Variants in PCDHGA4 observed in about 807,000 individuals in gnomAD.
PCDHGA4 encodes the protein protocadherin gamma-A4.
A neutral mutation model predicts 54.6 loss-of-function variants in PCDHGA4; 38 were observed. The ratio of observed to expected loss-of-function variants is 0.70; its 90% CI spans 0.54 to 0.91. The LOEUF is 0.91. Among genes scored for constraint, PCDHGA4 ranks in the 40% least tolerant of loss-of-function variants. PCDHGA4 has a pLI of 0.00. For synonymous variants in PCDHGA4, 511 were observed against 512.9 expected, an observed-to-expected ratio of 1.00 and a Z score of 0.05; for missense variants, 1,298 against 1,220.9, an observed-to-expected ratio of 1.06 and a Z score of -0.94.
At chr5:141,393,747 T>C (rs1375394315) in intron 1 of PCDHGA4, 1 of 1,613,866 alleles carries the variant, frequency 6.2e-7, no homozygotes, top group Admixed American at 1.7e-5. Flanking sequence ...TTATGAAGAA[T>C]GTTCATTTTA....
intron 1 of PCDHGA4, among the ~76,000 whole-genome samples, chr5:141,473,422 A>C (rs2154571673): frequency 6.6e-6 from 1 of 152,332 alleles, no homozygotes; most frequent in African/African-American, 2.4e-5. Context: ...TGGGGGAAGC[A>C]GATACTTTGC....
chr5:141,357,839 G>A, intron 1 of PCDHGA4: 1 of 640,618 alleles, frequency 1.6e-6, no homozygotes, highest in East Asian at 3.0e-5. Context: ...TCATTCAGTT[G>A]TAGTTTCAGC....
Position 141,438,591 on chromosome 5 carries a change from C to CAT in PCDHGA4, c.2515-56172_2515-56171dup, listed in dbSNP as rs946798767. On this transcript the variant is annotated intron_variant, in intron 1 of 3. Coordinates refer to ENST00000571252, the MANE Select transcript of PCDHGA4 (RefSeq NM_018917.4). ...TCTGATATACATACATACATACATA[C>CAT]ATATATATATATATATATATATATA... Among the ~76,000 whole-genome samples the CAT allele has an allele frequency of 6.3e-3, 476 of 75,268 alleles. 1 individual carries two copies. The highest frequency in any genetic ancestry group is 9.5e-3 in the Non-Finnish European group (352 of 37,106). 49.4% of individuals were successfully genotyped at this position (75,268 alleles called of 152,430 possible). A position where few individuals can be genotyped will look rare whatever the true frequency, so the allele number is the denominator to read the frequency against.
intron 1 of PCDHGA4, chr5:141,371,668 C>A: frequency 6.2e-7 from 1 of 1,614,026 alleles, no homozygotes; most frequent in Middle Eastern, 1.6e-4. Context: ...ATCACAGCTA[C>A]CGACAAAGGC....
rs950537869 is a variant in PCDHGA4, at chr5:141,432,150, A to G, written c.2515-62657A>G. 6.2e-7 allele frequency: 1 copy of G among 1,614,010 alleles called. No homozygotes were observed. On this transcript the variant is annotated intron_variant, in intron 1 of 3. Coordinates refer to ENST00000571252, the MANE Select transcript of PCDHGA4 (RefSeq NM_018917.4). The surrounding 1 kb of genome is among the most constrained non-coding windows in gnomAD (Gnocchi z 6.0). ...TCCTATTCCGCTTATATCCCAGAGA[A>G]CAATCCCAGAGGAGTTTCCCTCGTC...
intron 1 of PCDHGA4, chr5:141,428,862 T>TC (rs1345604550): frequency 2.7e-5 from 2 of 74,856 alleles, no homozygotes; most frequent in African/African-American, 2.0e-4. Flanking sequence ...ACGGGAGACT[T>TC]TTTTTTTTTT....
At chr5:141,415,729 T>A in intron 1 of PCDHGA4, 1 of 1,442,780 alleles carries the variant, frequency 6.9e-7, no homozygotes, top group Non-Finnish European at 9.1e-7. Flanking sequence ...TAGAATTTGA[T>A]GTTTATTAAG....
At chr5:141,498,971 G>A (rs866066098) in intron 2 of PCDHGA4, among the ~76,000 whole-genome samples, 16 of 111,052 alleles carry the variant, frequency 1.4e-4, no homozygotes, top group African/African-American at 2.5e-4. Context: ...GAGGGAGGGA[G>A]GGAAGGAAGG....
Position 141,398,804 on chromosome 5 carries a change from C to G in PCDHGA4, c.2514+41183C>G, listed in dbSNP as rs1283760076. 9 of 1,613,894 alleles carry G rather than the reference C, an allele frequency of 5.6e-6. No homozygotes were observed. In the South Asian group the frequency reaches 8.8e-5, roughly 16 times the overall value. On this transcript the variant is annotated intron_variant, in intron 1 of 3. Coordinates refer to ENST00000571252, the MANE Select transcript of PCDHGA4 (RefSeq NM_018917.4). ...GGACATCCACCCCTAAGCGGCACCA[C>G]TGAGCTCCGGATCCAGGTAACCGAC... is the stretch of plus-strand genomic sequence containing the variant.
chr5:141,369,637 T>C (rs976124194), intron 1 of PCDHGA4, among the ~76,000 whole-genome samples: 1 of 152,212 alleles, frequency 6.6e-6, no homozygotes, highest in Admixed American at 6.5e-5. Context: ...CTTTAACTTC[T>C]TTTGGGGGGA....
At chr5:141,364,827 C>T in intron 1 of PCDHGA4, 1 of 1,613,996 alleles carries the variant, frequency 6.2e-7, no homozygotes, top group Non-Finnish European at 8.5e-7. Flanking sequence ...GGTGTGAACT[C>T]TCTCCGGAGT....
intron 1 of PCDHGA4, chr5:141,399,144 T>G: frequency 6.2e-7 from 1 of 1,613,728 alleles, no homozygotes. Flanking sequence ...AAAATGACAA[T>G]AGCCCAGAAG....
At chr5:141,422,791 G>T (rs2096673253) in intron 1 of PCDHGA4, 2 of 1,614,020 alleles carry the variant, frequency 1.2e-6, no homozygotes, top group South Asian at 1.1e-5. Context: ...ACAATCCTTC[G>T]ACTATGAGCA....
At chr5:141,500,782 T>G (rs2099802612) in intron 2 of PCDHGA4, among the ~76,000 whole-genome samples, 2 of 152,222 alleles carry the variant, frequency 1.3e-5, no homozygotes, top group Admixed American at 1.3e-4. Context: ...ATATACATAT[T>G]ATTTTACAGA....
At chr5:141,410,828 C>A in intron 1 of PCDHGA4, 4 of 377,748 alleles carry the variant, frequency 1.1e-5, no homozygotes, top group Non-Finnish European at 1.8e-5. Context: ...TGTCACCAGA[C>A]TGAAGATATT....
chr5:141,463,616 T>C (rs941383375), intron 1 of PCDHGA4, among the ~76,000 whole-genome samples: 28 of 151,762 alleles, frequency 1.8e-4, no homozygotes, highest in Non-Finnish European at 2.1e-4. Flanking sequence ...GCCCGGCTAA[T>C]TTTTTGTATT....
chr5:141,364,612 G>C (rs1260914671), intron 1 of PCDHGA4: 7 of 1,614,178 alleles, frequency 4.3e-6, no homozygotes, highest in Non-Finnish European at 5.9e-6. Context: ...ACCGGGAGGA[G>C]CTCTGCGCTC....
chr5:141,391,493 G>A (rs949161885), intron 1 of PCDHGA4: 1 of 151,954 alleles, frequency 6.6e-6, no homozygotes, highest in Non-Finnish European at 1.5e-5. Context: ...TCTGTTTTCA[G>A]TAGAGAAAAT....
chr5:141,371,355 G>T (rs369960328), intron 1 of PCDHGA4: 6 of 1,613,974 alleles, frequency 3.7e-6, no homozygotes, highest in Non-Finnish European at 3.4e-6. Flanking sequence ...TGGGGTGGAA[G>T]CAAAGGATGG....
Sources: gnomAD v4.1 joint callset for allele counts (sites outside exome capture counted in the v4.1 genomes callset) on GRCh38, gnomAD v4.1.1 for gene constraint, Gnocchi (gnomAD v3.1) non-coding constraint, MANE v1.5 for transcripts, NCBI Gene and HGNC (gene_info 2026-07-23, HGNC 2026-07-21) for gene names.